The following SLC16A7 variants were observed in gnomAD, a reference collection of about 807,000 sequenced individuals.
The protein encoded by SLC16A7 is monocarboxylate transporter 2.
A neutral mutation model predicts 34.9 loss-of-function variants in SLC16A7; 33 were observed. That is an observed-to-expected ratio of 0.94 (90% CI 0.72 to 1.26). The LOEUF (loss-of-function observed/expected upper bound fraction) is 1.26, where lower values mean the gene tolerates loss of function less well. SLC16A7 is among the 50% of genes most tolerant of loss of function. The pLI is 0.00. For synonymous variants in SLC16A7, 201 were observed against 206.6 expected (o/e 0.97, Z 0.23); for missense variants, 573 against 578.1 (o/e 0.99, Z 0.09).
At chr12:59,609,500 A>G (rs1176900971) in intron 1 of SLC16A7, among the ~76,000 whole-genome samples, 7 of 137,512 alleles carry the variant, frequency 5.1e-5, no homozygotes, top group Non-Finnish European at 1.1e-4. Context: ...AGATTGAGAG[A>G]TGTGGGTCGG....
chr12:59,700,909 A>C (rs1872798161), intron 2 of SLC16A7, among the ~76,000 whole-genome samples: 1 of 151,764 alleles, frequency 6.6e-6, no homozygotes. Context: ...ATCTGAGGCA[A>C]GCATACATTA....
chr12:59,749,255 A>G (rs1879233587), intron 3 of SLC16A7, among the ~76,000 whole-genome samples: 1 of 152,188 alleles, frequency 6.6e-6, no homozygotes, highest in African/African-American at 2.4e-5. Context: ...TGAGTTTTGA[A>G]GGGACAAGAT....
intron 3 of SLC16A7, chr12:59,720,204 T>C: frequency 1.6e-6 from 1 of 622,718 alleles, no homozygotes; most frequent in Non-Finnish European, 2.8e-6. Flanking sequence ...TCCTAAGTTA[T>C]TGTTAATTGT....
chr12:59,663,762 T>C (rs1467824402), intron 2 of SLC16A7, among the ~76,000 whole-genome samples: 1 of 152,126 alleles, frequency 6.6e-6, no homozygotes, highest in Non-Finnish European at 1.5e-5. Context: ...TCAGTAGAAA[T>C]GAAAGAAACA....
chr12:59,597,870 C>T (rs1393579032), intron 1 of SLC16A7, among the ~76,000 whole-genome samples: 2 of 152,068 alleles, frequency 1.3e-5, no homozygotes, highest in African/African-American at 2.4e-5. Context: ...TACTTTTTTC[C>T]CCCCAAGGCA....
At position 59,750,541 on chromosome 12, in the gene SLC16A7, A is replaced by C. The variant is rs901076177; in HGVS notation, c.218-20678A>C. ...TCTCATGCCAGTTAGAATGACGATC[A>C]TTAAAAAGTCAGGAAACAACAGATG... On this transcript the variant is annotated intron_variant, in intron 3 of 5. Coordinates refer to ENST00000547379, the MANE Select transcript of SLC16A7 (RefSeq NM_001270623.2). 9.2e-5 allele frequency among the ~76,000 whole-genome samples: 14 copies of C among 152,334 alleles called. 2 individuals carry two copies. The highest frequency in any genetic ancestry group is 3.4e-4 in the African/African-American group (14 of 41,580).
At chr12:59,773,649 C>A (rs1882452594) in intron 4 of SLC16A7, among the ~76,000 whole-genome samples, 1 of 151,756 alleles carries the variant, frequency 6.6e-6, no homozygotes, top group Non-Finnish European at 1.5e-5. Context: ...ACTGCAATCT[C>A]CGCCTCCTCA....
chr12:59,706,319 T>C (rs1873561638), intron 3 of SLC16A7, among the ~76,000 whole-genome samples: 2 of 152,052 alleles, frequency 1.3e-5, no homozygotes, highest in Non-Finnish European at 2.9e-5. Flanking sequence ...CATTATCTTT[T>C]TGTTGTACTA....
chr12:59,740,591 C>G (rs1212633337), intron 3 of SLC16A7, among the ~76,000 whole-genome samples: 2 of 152,062 alleles, frequency 1.3e-5, no homozygotes, highest in Non-Finnish European at 2.9e-5. Flanking sequence ...ATGACAAACC[C>G]ACAGCCAATA....
chr12:59,743,055 G>T (rs1878513886), intron 3 of SLC16A7, among the ~76,000 whole-genome samples: 1 of 152,162 alleles, frequency 6.6e-6, no homozygotes, highest in East Asian at 1.9e-4. Context: ...TATGTATAAT[G>T]CTAGGCTGCA....
intron 3 of SLC16A7, among the ~76,000 whole-genome samples, chr12:59,738,219 A>G (rs750239617): frequency 3.8e-4 from 58 of 152,188 alleles, no homozygotes; most frequent in Non-Finnish European, 6.5e-4. Context: ...TTGCTTTAGC[A>G]GTCTATGTCA....
intron 1 of SLC16A7, among the ~76,000 whole-genome samples, chr12:59,597,691 G>T (rs1592373726): frequency 6.6e-6 from 1 of 152,132 alleles, no homozygotes; most frequent in South Asian, 2.1e-4. Context: ...CTAACTCCAG[G>T]TTCTACTTCT....
At chr12:59,614,218 G>C (rs1417895899) in intron 1 of SLC16A7, among the ~76,000 whole-genome samples, 1 of 152,040 alleles carries the variant, frequency 6.6e-6, no homozygotes, top group East Asian at 1.9e-4. Flanking sequence ...TGTATTTTTA[G>C]TAGAGATGGA....
chr12:59,683,497 A>AT (rs1277542375), intron 2 of SLC16A7, among the ~76,000 whole-genome samples: 3 of 152,216 alleles, frequency 2.0e-5, no homozygotes, highest in Non-Finnish European at 4.4e-5. Flanking sequence ...AATGAAAAAA[A>AT]GAAGATGCAT....
intron 3 of SLC16A7, chr12:59,768,358 G>T (rs1445882255): frequency 2.5e-5 from 8 of 317,582 alleles, no homozygotes; most frequent in Non-Finnish European, 5.0e-5. Flanking sequence ...AATAGCAAGA[G>T]AACTAGAATT....
At chr12:59,600,354 G>C (rs1335363686) in intron 1 of SLC16A7, among the ~76,000 whole-genome samples, 1 of 152,164 alleles carries the variant, frequency 6.6e-6, no homozygotes, top group African/African-American at 2.4e-5. Flanking sequence ...GACTCCCTTT[G>C]AGAAGTCATC....
At chr12:59,750,304 G>T (rs1352438055) in intron 3 of SLC16A7, among the ~76,000 whole-genome samples, 2 of 152,150 alleles carry the variant, frequency 1.3e-5, no homozygotes, top group Non-Finnish European at 2.9e-5. Context: ...GAAAGATTTT[G>T]CAATCTATCC....
At chr12:59,597,154 C>A (rs1353029730) in intron 1 of SLC16A7, 1 of 152,158 alleles carries the variant, frequency 6.6e-6, no homozygotes, top group African/African-American at 2.4e-5. Flanking sequence ...CGGTCGTGCC[C>A]AGTGCCACTT....
intron 3 of SLC16A7, among the ~76,000 whole-genome samples, chr12:59,738,291 ATACTATAAGAT>A (rs762470192): frequency 6.6e-6 from 1 of 152,168 alleles, no homozygotes. Flanking sequence ...ATATGCAACT[ATACTATAAGAT>A]TTCCAAGATA....
Sources: gnomAD v4.1 joint callset for allele counts (sites outside exome capture counted in the v4.1 genomes callset) on GRCh38, gnomAD v4.1.1 for gene constraint, MANE v1.5 for transcripts, NCBI Gene and HGNC (gene_info 2026-07-23, HGNC 2026-07-21) for gene names.